Variants in TMEM132D observed in about 807,000 individuals in gnomAD.
The protein encoded by TMEM132D is transmembrane protein 132D, also known as mature OL transmembrane protein.
Under a neutral mutation model 62.3 loss-of-function variants are expected in TMEM132D, and 21 were observed. That is an observed-to-expected ratio of 0.34 (90% CI 0.24 to 0.49). The LOEUF is 0.49. Among genes scored for constraint, TMEM132D ranks in the 20% least tolerant of loss-of-function variants. The probability of loss-of-function intolerance (pLI) is 0.99; values close to 1 mark genes in which losing one functional copy is unlikely to be tolerated. For synonymous variants in TMEM132D, 621 were observed against 575.6 expected (o/e 1.08, Z -1.13); for missense variants, 1,346 against 1,402.8 (o/e 0.96, Z 0.65).
intron 8 of TMEM132D, among the ~76,000 whole-genome samples, chr12:129,076,782 G>A (rs1253216386): frequency 1.3e-5 from 2 of 152,200 alleles, no homozygotes; most frequent in African/African-American, 4.8e-5. Flanking sequence ...AAATCTCAGG[G>A]TAGCGTGTTT....
At chr12:129,674,336 A>G (rs982828802) in intron 2 of TMEM132D, among the ~76,000 whole-genome samples, 1 of 152,188 alleles carries the variant, frequency 6.6e-6, no homozygotes, top group Non-Finnish European at 1.5e-5. Context: ...GTGGCTCTTC[A>G]TGCACTTAGA....
intron 4 of TMEM132D, among the ~76,000 whole-genome samples, chr12:129,249,829 A>G (rs1185937203): frequency 6.6e-6 from 1 of 152,222 alleles, no homozygotes; most frequent in Non-Finnish European, 1.5e-5. Context: ...CCAGGGTCCC[A>G]GTGGAAGCAG....
intron 2 of TMEM132D, among the ~76,000 whole-genome samples, chr12:129,631,920 A>G (rs1455321954): frequency 6.6e-6 from 1 of 152,204 alleles, no homozygotes; most frequent in African/African-American, 2.4e-5. Context: ...GACTTACCAC[A>G]TAAGAGCCAT....
intron 3 of TMEM132D, among the ~76,000 whole-genome samples, chr12:129,440,318 T>C (rs1361650314): frequency 6.6e-6 from 1 of 152,122 alleles, no homozygotes; most frequent in African/African-American, 2.4e-5. Context: ...GTAATGGAGA[T>C]GGTGAGTGTC....
chr12:129,532,521 A>C (rs1876259181), intron 2 of TMEM132D, among the ~76,000 whole-genome samples: 1 of 152,178 alleles, frequency 6.6e-6, no homozygotes, highest in South Asian at 2.1e-4. Context: ...TTCCCATGGA[A>C]ACAATTTTAA....
chr12:129,543,395 TGG>T (rs1317930164), intron 2 of TMEM132D, among the ~76,000 whole-genome samples: 317 of 139,930 alleles, frequency 2.3e-3, no homozygotes, highest in African/African-American at 7.9e-3. Context: ...GATGGATGGA[TGG>T]ATGGATGGAT....
chr12:129,234,814 A>C (rs1272603933), intron 4 of TMEM132D, among the ~76,000 whole-genome samples: 1 of 152,220 alleles, frequency 6.6e-6, no homozygotes, highest in African/African-American at 2.4e-5. Flanking sequence ...AAGGCAATCT[A>C]TGTGGGTGAA....
chr12:129,629,572 A>G (rs966552784), intron 2 of TMEM132D, among the ~76,000 whole-genome samples: 1 of 152,082 alleles, frequency 6.6e-6, no homozygotes, highest in African/African-American at 2.4e-5. Context: ...ACATTCTTCC[A>G]TAGAGTTACC....
chr12:129,795,467 A>G (rs772000573), intron 1 of TMEM132D, among the ~76,000 whole-genome samples: 2 of 152,244 alleles, frequency 1.3e-5, no homozygotes, highest in Non-Finnish European at 2.9e-5. Context: ...CAAACTTACA[A>G]TGGACTCTGA....
At chr12:129,318,656 G>A (rs547589106) in intron 4 of TMEM132D, among the ~76,000 whole-genome samples, 4 of 152,286 alleles carry the variant, frequency 2.6e-5, no homozygotes, top group Admixed American at 2.6e-4. Context: ...GGGACCAGCA[G>A]TGGGCGGGAC....
intron 2 of TMEM132D, among the ~76,000 whole-genome samples, chr12:129,663,658 T>C (rs1431038247): frequency 1.3e-5 from 2 of 152,162 alleles, no homozygotes; most frequent in Non-Finnish European, 2.9e-5. Context: ...TTGGGAACTG[T>C]TGGAAGCAGT....
At chr12:129,273,416 G>T (rs1239793068) in intron 4 of TMEM132D, among the ~76,000 whole-genome samples, 2 of 129,718 alleles carry the variant, frequency 1.5e-5, no homozygotes, top group African/African-American at 2.9e-5. Context: ...TATACCCAAA[G>T]GAAAATAAAT....
At chr12:129,744,411 G>A (rs543330165) in intron 1 of TMEM132D, among the ~76,000 whole-genome samples, 14 of 152,286 alleles carry the variant, frequency 9.2e-5, no homozygotes, top group African/African-American at 3.4e-4. Flanking sequence ...GTGGGAAGGA[G>A]ATTTCATATT....
intron 3 of TMEM132D, among the ~76,000 whole-genome samples, chr12:129,380,171 C>A (rs1870897156): frequency 6.6e-6 from 1 of 152,030 alleles, no homozygotes; most frequent in Non-Finnish European, 1.5e-5. Context: ...TAACAACATC[C>A]ATTTACATGA....
intron 2 of TMEM132D, among the ~76,000 whole-genome samples, chr12:129,658,222 G>C (rs767133565): frequency 2.0e-5 from 3 of 152,056 alleles, no homozygotes; most frequent in Non-Finnish European, 2.9e-5. Context: ...GTAAACCCCT[G>C]GTTGGTTAGA....
At chr12:129,279,271 G>C (rs976547656) in intron 4 of TMEM132D, among the ~76,000 whole-genome samples, 3 of 152,224 alleles carry the variant, frequency 2.0e-5, no homozygotes, top group African/African-American at 7.2e-5. Flanking sequence ...GAGGATAACA[G>C]TCAGTGCCTA....
intron 5 of TMEM132D, among the ~76,000 whole-genome samples, chr12:129,121,172 T>C (rs1239153340): frequency 6.6e-6 from 1 of 152,204 alleles, no homozygotes; most frequent in Non-Finnish European, 1.5e-5. Context: ...CTCGGCTCAC[T>C]GCAACCTCCA....
In TMEM132D at chr12:129,185,226, G is replaced by A. The variant is rs570149736; in HGVS notation, c.1443+24294C>T. On this transcript the variant is annotated intron_variant, in intron 5 of 8. Coordinates refer to ENST00000422113, the MANE Select transcript of TMEM132D (RefSeq NM_133448.3). Reference sequence around the variant, plus strand: ...CAGAGATGAACAGACCATCCAGGGCGTGAGGACCCTGGCATTCCAAAACAC... The same window carrying A: ...CAGAGATGAACAGACCATCCAGGGCATGAGGACCCTGGCATTCCAAAACAC... Among the ~76,000 whole-genome samples the A allele has an allele frequency of 7.9e-5, 12 of 152,230 alleles. No homozygotes were observed. In the South Asian group the frequency reaches 8.3e-4, roughly 11 times the overall value.
At chr12:129,525,072 C>T (rs1368740384) in intron 3 of TMEM132D, among the ~76,000 whole-genome samples, 1 of 149,116 alleles carries the variant, frequency 6.7e-6, no homozygotes, top group Non-Finnish European at 1.5e-5. Context: ...ACTACAGGCG[C>T]CCGCCACCAC....
Sources: gnomAD v4.1 joint callset for allele counts (sites outside exome capture counted in the v4.1 genomes callset) on GRCh38, gnomAD v4.1.1 for gene constraint, MANE v1.5 for transcripts, NCBI Gene and HGNC (gene_info 2026-07-23, HGNC 2026-07-21) for gene names.